Variants in RRP12 observed in about 807,000 individuals in gnomAD.
RRP12 encodes ribosomal RNA processing 12 homolog.
Under a neutral mutation model 157.3 loss-of-function variants are expected in RRP12, and 78 were observed. The ratio of observed to expected loss-of-function variants is 0.50; its 90% confidence interval spans 0.41 to 0.60. The LOEUF (loss-of-function observed/expected upper bound fraction) is 0.60. RRP12 is among the 20% of genes least tolerant of loss of function. The pLI, the probability that RRP12 is intolerant of heterozygous loss-of-function variation, is 0.00. For missense variants in RRP12, 1,521 were observed against 1,679.9 expected, an observed-to-expected ratio of 0.91 and a Z score of 1.65; for synonymous variants, 726 against 670.9, an observed-to-expected ratio of 1.08 and a Z score of -1.27.
chr10:97,388,360 G>T lies in RRP12; in HGVS notation c.909C>A (p.Thr303=). 1.2e-6 allele frequency: 2 copies of T among 1,613,944 alleles called. No homozygotes were observed. Among genetic ancestry groups the T allele is most frequent in the Non-Finnish European group, 8.5e-7 (1 of 1,180,014 alleles). ...TCAGCAGCGTCAGCATGTGCAGCGTGGTGGTGGCCTCCTTGGAGCCTGGTA... is the reference window on the plus strand; with the variant it reads ...TCAGCAGCGTCAGCATGTGCAGCGTTGTGGTGGCCTCCTTGGAGCCTGGTA... ...EKSGGSKEAT[T]TLHMLTLLKD... is the part of the protein sequence containing the mutation. Residue 303 remains threonine (T), a synonymous_variant, in exon 8 of 34, where the codon ACC becomes ACA. Coordinates refer to ENST00000370992, the MANE Select transcript of RRP12 (RefSeq NM_015179.4).
At chr10:97,398,442 C>A (rs1341183747) in intron 2 of RRP12, among the ~76,000 whole-genome samples, 1 of 148,586 alleles carries the variant, frequency 6.7e-6, no homozygotes, top group Non-Finnish European at 1.5e-5. Context: ...CAACCTCTGC[C>A]TCCAGGGTTC....
chr10:97,394,034 G>A (rs1331110568), intron 3 of RRP12, among the ~76,000 whole-genome samples: 3 of 152,242 alleles, frequency 2.0e-5, no homozygotes, highest in African/African-American at 7.2e-5. Flanking sequence ...AATACTGCCT[G>A]ACACATAATT....
At chr10:97,358,790 A>C in intron 32 of RRP12, 153 bp downstream of exon 32, 1 of 792,416 alleles carries the variant, frequency 1.3e-6, no homozygotes, top group Admixed American at 2.2e-5. Context: ...CAGATGCCAC[A>C]AGGTCTTAGC....
At chr10:97,396,719 TA>T (rs1464023182) in intron 2 of RRP12, among the ~76,000 whole-genome samples, 1 of 152,148 alleles carries the variant, frequency 6.6e-6, no homozygotes, top group Admixed American at 6.6e-5. Flanking sequence ...AGGTCCCTTA[TA>T]AAAAATGGTG....
chr10:97,375,874 C>T (rs990435478), intron 15 of RRP12, among the ~76,000 whole-genome samples: 2 of 152,132 alleles, frequency 1.3e-5, no homozygotes, highest in African/African-American at 4.8e-5. Context: ...GAGGCCAAGG[C>T]GGGTGGATCA....
At position 97,390,926 on chromosome 10, in the gene RRP12, A is replaced by G; in HGVS notation, c.531-82T>C. The G allele has an allele frequency of 3.3e-6, 3 of 914,962 alleles. No individual in the cohort carries two copies. In the South Asian group the frequency reaches 3.9e-5, roughly 12 times the overall value. The allele number at this position is 914,962 out of a possible 1,614,324, so 56.7% of individuals were successfully genotyped here. ...AGCCCCTCGTGGTACTAAGGAGGAC[A>G]GGGCAAGGGGCGCTGGTGGCACAGT... On this transcript the variant is annotated intron_variant, in intron 4 of 33. Transcript: ENST00000370992.
At chr10:97,369,877 C>A (rs1171117188) in intron 24 of RRP12, among the ~76,000 whole-genome samples, 2 of 152,234 alleles carry the variant, frequency 1.3e-5, no homozygotes, top group African/African-American at 2.4e-5. Context: ...GGACTAAAAT[C>A]CAGGCATCAG....
intron 8 of RRP12, among the ~76,000 whole-genome samples, chr10:97,387,335 C>CTT (rs34534343): frequency 7.3e-5 from 10 of 137,910 alleles, no homozygotes; most frequent in South Asian, 4.6e-4. Context: ...TTTCTTTTTC[C>CTT]TTTTTTTTTT....
chr10:97,378,172 G>A (rs971858412), intron 15 of RRP12, among the ~76,000 whole-genome samples: 1 of 152,198 alleles, frequency 6.6e-6, no homozygotes, highest in Non-Finnish European at 1.5e-5. Context: ...GCAGCCTGAA[G>A]AAAGAACACC....
chr10:97,364,541 AC>A (rs1203789053), intron 29 of RRP12, among the ~76,000 whole-genome samples: 17 of 152,058 alleles, frequency 1.1e-4, no homozygotes, highest in African/African-American at 3.9e-4. Flanking sequence ...ACATGGCAAA[AC>A]CCCATCACTA....
At chr10:97,379,466 G>A in intron 14 of RRP12, 52 bp from the exon 15 acceptor site, 1 of 1,609,262 alleles carries the variant, frequency 6.2e-7, no homozygotes, top group Non-Finnish European at 8.5e-7. Context: ...AGCCCTGAGG[G>A]CAGTGCATAG....
intron 29 of RRP12, among the ~76,000 whole-genome samples, chr10:97,364,382 G>C (rs917833098): frequency 4.6e-5 from 7 of 152,256 alleles, no homozygotes; most frequent in African/African-American, 1.7e-4. Flanking sequence ...TTGGAGGGAA[G>C]AGAAACTCAG....
chr10:97,379,383 G>A lies in RRP12; in HGVS notation c.1708C>T (p.Leu570=), dbSNP rs41300217. 0.061 allele frequency: 97,677 copies of A among 1,613,956 alleles called. 3,292 individuals carry two copies. Among genetic ancestry groups the A allele is most frequent in the East Asian group, 0.11 (4,717 of 44,876 alleles). ...TGAACATGGTCTCGGATGACAGGCA[G>A]CAGCCAGCTCCGTGGGAAATCCAGA... The part of the protein sequence containing the change: ...ETLDFPRSWL[L]PVIRDHVQET... Residue 570 remains leucine (L), a synonymous_variant, in exon 15 of 34, where the codon CTG becomes TTG. Transcript: ENST00000370992.
intron 24 of RRP12, 140 bp downstream of exon 24, chr10:97,370,027 G>C (rs1483890280): frequency 9.3e-6 from 6 of 643,430 alleles, no homozygotes; most frequent in African/African-American, 1.8e-5. Context: ...AGGGAGACAG[G>C]GAGGCAAACT....
At chr10:97,375,458 T>C (rs11189172) in intron 15 of RRP12, among the ~76,000 whole-genome samples, 45,032 of 151,906 alleles carry the variant, frequency 0.3, 6,939 homozygotes, top group South Asian at 0.36. Context: ...AGAAAGATAC[T>C]AGATGTGTTA....
intron 33 of RRP12, among the ~76,000 whole-genome samples, chr10:97,358,050 C>T (rs1843755454): frequency 6.6e-6 from 1 of 150,558 alleles, no homozygotes; most frequent in African/African-American, 2.4e-5. Context: ...AGAAGCAGTT[C>T]AGGGCGGGGC....
Position 97,381,497 on chromosome 10 carries a change from C to T in RRP12, c.1321-14G>A, listed in dbSNP as rs377485197. On this transcript the variant is annotated splice_polypyrimidine_tract_variant and intron_variant, in intron 11 of 33. Transcript: ENST00000370992. ...CTTCAGGATCTCCTGCGAAGAGAGG[C>T]CACAGGCTTTCTGGGCCCAAGGCAG... The T allele has an allele frequency of 4.4e-6, 7 of 1,595,372 alleles. No individual in the cohort carries two copies. The highest frequency in any genetic ancestry group is 3.3e-4 in the Middle Eastern group (2 of 6,014).
In RRP12 at chr10:97,380,730, C is replaced by T; in HGVS notation, c.1533+69G>A. ...GGTGCAGAGATAACAGAGACACGTG[C>T]CCTCCAGGAGCCCATAGTCCAAGAG... On this transcript the variant is annotated intron_variant, in intron 13 of 33. Transcript: ENST00000370992. 4 of 1,107,582 alleles carry T rather than the reference C, an allele frequency of 3.6e-6. No homozygotes were observed. In the South Asian group the frequency reaches 3.7e-5, roughly 10 times the overall value. 68.6% of individuals were successfully genotyped at this position (1,107,582 alleles called of 1,614,324 possible).
Position 97,396,221 on chromosome 10 carries a change from A to G in RRP12, c.450T>C (p.Ala150=). The change falls in exon 3 of 34, where the codon GCT becomes GCC. Residue 150 remains alanine, a synonymous_variant. Transcript: ENST00000370992. ...GKETETEYFA[A]LMTTMEAVES... The stretch of plus-strand genomic sequence containing the variant: ...CCCTCCAGTGGCACCCACTCACCAG[A>G]GCAGCGAAGTACTCAGTCTCCGTCT... The G allele has an allele frequency of 6.2e-7, 1 of 1,610,960 alleles. No homozygotes were observed. Among genetic ancestry groups the G allele is most frequent in the Non-Finnish European group, 8.5e-7 (1 of 1,177,244 alleles).
Sources: gnomAD v4.1 joint callset for allele counts (sites outside exome capture counted in the v4.1 genomes callset) on GRCh38, gnomAD v4.1.1 for gene constraint, MANE v1.5 for transcripts, NCBI Gene and HGNC (gene_info 2026-07-23, HGNC 2026-07-21) for gene names.